HEXA: variants seen among roughly 807,000 people sequenced by gnomAD.
The protein encoded by HEXA is hexosaminidase subunit alpha.
In HEXA, 54 loss-of-function variants were observed where a neutral mutation model predicts 73.3. The ratio of observed to expected loss-of-function variants is 0.74; its 90% CI spans 0.59 to 0.92. HEXA has a LOEUF of 0.92. Ranked by LOEUF, HEXA falls within the 40% of genes least tolerant of loss-of-function variation. The pLI, the probability that HEXA is intolerant of heterozygous loss-of-function variation, is 0.00. For synonymous variants in HEXA, 230 were observed against 246.9 expected (o/e 0.93, Z 0.64); for missense variants, 649 against 653.0 (o/e 0.99, Z 0.07).
At position 72,375,969 on chromosome 15, in the gene HEXA, T is replaced by C. The variant is rs2089062515; in HGVS notation, c.4A>G (p.Thr2Ala). The C allele has an allele frequency of 1.2e-6, 2 of 1,613,416 alleles. No homozygotes were observed. The highest frequency in any genetic ancestry group is 1.7e-6 in the Non-Finnish European group (2 of 1,180,014). Reference sequence around the variant, plus strand: ...AGCGAAAACCAAAGCCTGGAGCTTGTCATGGCCCGCTGGTCTCCCCTCTCG... The same window carrying C: ...AGCGAAAACCAAAGCCTGGAGCTTGCCATGGCCCGCTGGTCTCCCCTCTCG... MTSSRLWFSLLL... is the reference protein window; with the variant it reads MASSRLWFSLLL... The change falls in exon 1 of 14, where the codon ACA becomes GCA. Residue 2 changes from threonine (T) to alanine (A), a missense_variant. Transcript: ENST00000268097.
At position 72,341,383 on chromosome 15, in the gene HEXA, A is replaced by G. The variant is rs1595794163; in HGVS notation, c.*2694T>C. 1 of 152,176 alleles carries G rather than the reference A, an allele frequency of 6.6e-6. No individual in the cohort carries two copies. The highest frequency in any genetic ancestry group is 2.4e-5 in the African/African-American group (1 of 41,414). 9.4% of individuals were successfully genotyped at this position (152,176 alleles called of 1,614,324 possible). On this transcript the variant is annotated 3_prime_UTR_variant, in exon 14 of 14. Transcript: ENST00000268097. ...TTATTAGATTCCTCGAAGGGAAGGT[A>G]CCTGGCATGCAGCCTCAGCTCCTAC...
intron 6 of HEXA, 150 bp from the exon 7 acceptor site, chr15:72,350,800 A>C (rs1369479045): frequency 1.3e-6 from 1 of 778,804 alleles, no homozygotes; most frequent in East Asian, 2.7e-5. Flanking sequence ...ACTTGATCAT[A>C]ATTTCCCAGA....
rs769724246 is a variant in HEXA at position 72,355,561 on chromosome 15, C to T, written c.410G>A (p.Arg137Gln). 11 of 1,602,656 alleles carry T rather than the reference C, an allele frequency of 6.9e-6. No homozygotes were observed. The highest frequency in any genetic ancestry group is 1.3e-5 in the African/African-American group (1 of 74,688). ...LLSETVWGAL[R>Q]GLETFSQLVW... is the part of the protein sequence containing the mutation. ...TTTAATCAGCCCCAATTTGTTACCT[C>T]GGAGAGCTCCCCAGACAGTCTCAGA... The change falls in exon 3 of 14, where the codon CGA (arginine) becomes CAA (glutamine). Residue 137 changes from arginine to glutamine, a missense_variant and splice_region_variant. Coordinates refer to ENST00000268097, the MANE Select transcript of HEXA (RefSeq NM_000520.6).
At chr15:72,354,618 TA>T (rs2088748334) in intron 3 of HEXA, 1 of 152,348 alleles carries the variant, frequency 6.6e-6, no homozygotes, top group Admixed American at 6.5e-5. Flanking sequence ...CCCTTACCTC[TA>T]GCCTGACTCA....
chr15:72,346,447 C>G (rs1337216147), intron 11 of HEXA, 80 bp downstream of exon 11: 26 of 1,531,556 alleles, frequency 1.7e-5, no homozygotes, highest in Non-Finnish European at 2.3e-5. Flanking sequence ...CTGGAAATGT[C>G]TGGCCCAGAC....
intron 1 of HEXA, chr15:72,358,472 A>T (rs1054346345): frequency 2.6e-5 from 4 of 152,238 alleles, no homozygotes; most frequent in African/African-American, 9.6e-5. Flanking sequence ...TTCGATTTTT[A>T]AAAAATTTAT....
intron 1 of HEXA, chr15:72,359,799 T>C (rs1437603515): frequency 7.1e-6 from 1 of 140,688 alleles, no homozygotes; most frequent in African/African-American, 2.7e-5. Flanking sequence ...AAAAAAAAAG[T>C]ATCTTTGGTA....
intron 1 of HEXA, among the ~76,000 whole-genome samples, chr15:72,367,644 C>T (rs543561164): frequency 2.4e-4 from 37 of 152,258 alleles, no homozygotes; most frequent in African/African-American, 8.7e-4. Flanking sequence ...CCATTCCTTA[C>T]CAGGGCTTAT....
In HEXA at chr15:72,375,875, G is replaced by A. The variant is rs1416996557; in HGVS notation, c.98C>T (p.Ser33Phe). 1 of 1,614,156 alleles carries A rather than the reference G, an allele frequency of 6.2e-7. No homozygotes were observed. Among genetic ancestry groups the A allele is most frequent in the African/African-American group, 1.3e-5 (1 of 74,954 alleles). ...LWPWPQNFQT[S>F]DQRYVLYPNN... ...CGGGTAAAGGACGTAGCGCTGGTCG[G>A]AGGTTTGGAAGTTCTGAGGCCAGGG... The change falls in exon 1 of 14, where the codon TCC (serine) becomes TTC (phenylalanine). Residue 33 changes from serine to phenylalanine, a missense_variant. Physicochemically the swap from Ser to Phe is radical, Grantham distance 155 (BLOSUM62 -2). Coordinates refer to ENST00000268097, the MANE Select transcript of HEXA (RefSeq NM_000520.6).
intron 1 of HEXA, chr15:72,356,962 C>A: frequency 2.5e-6 from 1 of 403,294 alleles, no homozygotes; most frequent in Non-Finnish European, 4.7e-6. Flanking sequence ...TAGAGCACTG[C>A]TACTCCAAGT....
chr15:72,375,493 A>C (rs1024354558), intron 1 of HEXA, among the ~76,000 whole-genome samples: 4 of 152,202 alleles, frequency 2.6e-5, no homozygotes, highest in African/African-American at 7.2e-5. Context: ...GGATCACCTT[A>C]GATTTCTGCT....
At chr15:72,349,009 C>T in intron 8 of HEXA, 70 bp downstream of exon 8, 1 of 1,314,244 alleles carries the variant, frequency 7.6e-7, no homozygotes, top group East Asian at 2.3e-5. Context: ...TAAGCAGCCC[C>T]TCGGGTGCTA....
At chr15:72,358,919 T>C (rs2088818028) in intron 1 of HEXA, 1 of 152,266 alleles carries the variant, frequency 6.6e-6, no homozygotes, top group Admixed American at 6.5e-5. Flanking sequence ...GGGACAGTAG[T>C]ACAGCCGCCT....
rs1555473140 is a variant in HEXA, at chr15:72,353,698, TCAG to T, written c.449_451del (p.Ala150del). ...TTGAGGGTCCACACTTACTGTGCCC[TCAG>T]CAGATTTCCAAACAAGCTGGCTAAA... On this transcript the variant is annotated inframe_deletion, in exon 4 of 14. Transcript: ENST00000268097. 1 of 1,612,460 alleles carries T rather than the reference TCAG, an allele frequency of 6.2e-7. No homozygotes were observed. The highest frequency in any genetic ancestry group is 8.5e-7 in the Non-Finnish European group (1 of 1,178,466).
chr15:72,351,162 T>G lies in HEXA; in HGVS notation c.643A>C (p.Ser215Arg). Residue 215 changes from serine (S) to arginine (R), a missense_variant, in exon 6 of 14, where the codon AGC becomes CGC. By Grantham distance (110) the Ser-to-Arg change is moderately radical. Transcript: ENST00000268097. Reference protein sequence around the residue: ...LVDDPSFPYESFTFPELMRKG... With the variant: ...LVDDPSFPYERFTFPELMRKG... ...CTCATGAGCTCTGGAAAAGTGAAGC[T>G]CTCATATGGGAAGGAAGGATCATCT... is the stretch of plus-strand genomic sequence containing the variant. 5 of 1,611,354 alleles carry G rather than the reference T, an allele frequency of 3.1e-6. No homozygotes were observed. Among genetic ancestry groups the G allele is most frequent in the Non-Finnish European group, 4.2e-6 (5 of 1,177,476 alleles).
chr15:72,363,066 T>G (rs1265043168), intron 1 of HEXA, among the ~76,000 whole-genome samples: 2 of 152,186 alleles, frequency 1.3e-5, no homozygotes, highest in Non-Finnish European at 2.9e-5. Context: ...CATGCCCACT[T>G]TCTTCTCTTC....
At chr15:72,357,046 C>G (rs2088794455) in intron 1 of HEXA, 5 of 302,838 alleles carry the variant, frequency 1.7e-5, no homozygotes, top group Non-Finnish European at 2.6e-5. Flanking sequence ...TTATATGAAG[C>G]CTGAATGTAA....
rs780078337 is a variant in HEXA at position 72,375,911 on chromosome 15, G to A, written c.62C>T (p.Thr21Met). 4.3e-6 allele frequency: 7 copies of A among 1,614,168 alleles called. No individual in the cohort carries two copies. Among genetic ancestry groups the A allele is most frequent in the Non-Finnish European group, 5.9e-6 (7 of 1,180,034 alleles). ...GTTCTGAGGCCAGGGCCAGAGGGCC[G>A]TCGCCCGTCCTGCGAACGCTGCCGC... ...LLAAAFAGRA[T>M]ALWPWPQNFQ... is the part of the protein sequence containing the mutation. Residue 21 changes from threonine to methionine, a missense_variant, in exon 1 of 14, where the codon ACG becomes ATG. Physicochemically the swap from Thr to Met is moderately conservative, Grantham distance 81. Transcript: ENST00000268097.
In HEXA at chr15:72,346,248, C is replaced by T. The variant is rs1383036168; in HGVS notation, c.1408G>A (p.Val470Ile). The T allele has an allele frequency of 6.2e-7, 1 of 1,613,560 alleles. No homozygotes were observed. Among genetic ancestry groups the T allele is most frequent in the South Asian group, 1.1e-5 (1 of 91,022 alleles). ...GAAAACCCTTACCAGAGCCTGGGGA[C>T]CAGGTTTGTGTTGTCCACATATTCT... ...WGEYVDNTNL[V>I]PRLWPRAGAV... Residue 470 changes from valine (V) to isoleucine (I), a missense_variant, in exon 12 of 14, where the codon GTC becomes ATC. By Grantham distance (29) the Val-to-Ile change is conservative. Coordinates refer to ENST00000268097, the MANE Select transcript of HEXA (RefSeq NM_000520.6).
Sources: gnomAD v4.1 joint callset for allele counts (sites outside exome capture counted in the v4.1 genomes callset) on GRCh38, gnomAD v4.1.1 for gene constraint, MANE v1.5 for transcripts, NCBI Gene and HGNC (gene_info 2026-07-23, HGNC 2026-07-21) for gene names.